KDM2A: variants seen among roughly 807,000 people sequenced by gnomAD.
KDM2A encodes lysine demethylase 2A.
Under a neutral mutation model 137.3 loss-of-function variants are expected in KDM2A, and 3 were observed. The observed-to-expected ratio is 0.02, with a 90% CI of 0.01 to 0.06. The LOEUF (loss-of-function observed/expected upper bound fraction) is 0.06, where lower values mean the gene tolerates loss of function less well. KDM2A is among the 10% of genes least tolerant of loss of function. KDM2A has a pLI of 1.00. For synonymous variants in KDM2A, 512 were observed against 541.5 expected (o/e 0.95, Z 0.76); for missense variants, 738 against 1,510.6 (o/e 0.49, Z 8.48).
chr11:67,123,971 C>T (rs1356390806), intron 2 of KDM2A, among the ~76,000 whole-genome samples: 1 of 151,656 alleles, frequency 6.6e-6, no homozygotes, highest in African/African-American at 2.4e-5. Flanking sequence ...GCCACTGGAC[C>T]TGGACTTTTG....
chr11:67,185,367 C>CA (rs1223625464), intron 5 of KDM2A, among the ~76,000 whole-genome samples: 2 of 152,244 alleles, frequency 1.3e-5, no homozygotes, highest in African/African-American at 4.8e-5. Flanking sequence ...TGTGGTGCCT[C>CA]ACACCTGTAA....
At chr11:67,182,887 T>A (rs1857122122) in intron 5 of KDM2A, among the ~76,000 whole-genome samples, 2 of 152,250 alleles carry the variant, frequency 1.3e-5, no homozygotes, top group African/African-American at 4.8e-5. Flanking sequence ...AGGGACTTTT[T>A]AAATTTTCTT....
At chr11:67,142,558 G>A (rs115813457) in intron 2 of KDM2A, among the ~76,000 whole-genome samples, 2,417 of 80,854 alleles carry the variant, frequency 0.03, 71 homozygotes, top group African/African-American at 0.071. Context: ...AGTTGGCCGG[G>A]GGGTTGGGGT....
At chr11:67,126,182 G>T (rs990857434) in intron 2 of KDM2A, among the ~76,000 whole-genome samples, 6 of 150,644 alleles carry the variant, frequency 4.0e-5, no homozygotes, top group Non-Finnish European at 7.4e-5. Flanking sequence ...CGAGACAGAG[G>T]TTGTGCTGAG....
At chr11:67,189,197 A>G (rs1262576859) in intron 5 of KDM2A, among the ~76,000 whole-genome samples, 1 of 152,260 alleles carries the variant, frequency 6.6e-6, no homozygotes, top group African/African-American at 2.4e-5. Flanking sequence ...TAAAAAATAG[A>G]TATCAAAGTA....
At position 67,250,858 on chromosome 11, in the gene KDM2A, A is replaced by G; in HGVS notation, c.2768+60A>G. 2.4e-6 allele frequency: 3 copies of G among 1,258,018 alleles called. No homozygotes were observed. Among genetic ancestry groups the G allele is most frequent in the Non-Finnish European group, 3.3e-6 (3 of 899,880 alleles). 77.9% of individuals were successfully genotyped at this position (1,258,018 alleles called of 1,614,324 possible). ...TATGGGAGTAGGTGGCAGGTTTTCC[A>G]TATGAGAACAGCATGCACCTTGGCA... On this transcript the variant is annotated intron_variant, in intron 17 of 20. Coordinates refer to ENST00000529006, the MANE Select transcript of KDM2A (RefSeq NM_012308.3). The surrounding 1 kb of genome is among the most constrained non-coding windows in gnomAD (Gnocchi z 7.1).
chr11:67,257,136 C>G lies in KDM2A; in HGVS notation c.*2081C>G, dbSNP rs971556355. The stretch of plus-strand genomic sequence containing the variant: ...TTTTATAAAAGGGGAGGTGGAGAGA[C>G]CCCTTCAGAGCAGGGATTGTGCCGG... On this transcript the variant is annotated 3_prime_UTR_variant, in exon 21 of 21. Coordinates refer to ENST00000529006, the MANE Select transcript of KDM2A (RefSeq NM_012308.3). The G allele has an allele frequency of 6.6e-6, 1 of 152,186 alleles. No individual in the cohort carries two copies. Among genetic ancestry groups the G allele is most frequent in the African/African-American group, 2.4e-5 (1 of 41,436 alleles). 9.4% of individuals were successfully genotyped at this position (152,186 alleles called of 1,614,324 possible).
At chr11:67,203,120 G>A (rs994271365) in intron 5 of KDM2A, among the ~76,000 whole-genome samples, 1 of 152,048 alleles carries the variant, frequency 6.6e-6, no homozygotes, top group Non-Finnish European at 1.5e-5. Flanking sequence ...CCTCAACAAT[G>A]AGGCAAGTTC....
At chr11:67,194,287 G>T (rs1436617834) in intron 5 of KDM2A, among the ~76,000 whole-genome samples, 1 of 152,112 alleles carries the variant, frequency 6.6e-6, no homozygotes, top group Non-Finnish European at 1.5e-5. Flanking sequence ...GGGGAGGGTG[G>T]TTGCTTTACC....
chr11:67,125,942 CAAAAAAA>C (rs59801773), intron 2 of KDM2A, among the ~76,000 whole-genome samples: 1 of 50,436 alleles, frequency 2.0e-5, no homozygotes, highest in Non-Finnish European at 4.5e-5. Flanking sequence ...GGCTTCACCT[CAAAAAAA>C]AAAAAAAAAA....
At chr11:67,128,408 A>G (rs978475720) in intron 2 of KDM2A, among the ~76,000 whole-genome samples, 15 of 151,988 alleles carry the variant, frequency 9.9e-5, no homozygotes, top group Admixed American at 7.9e-4. Flanking sequence ...GTATGAAAGT[A>G]TAATGTTAGC....
chr11:67,177,924 T>G (rs1270007999), intron 2 of KDM2A, among the ~76,000 whole-genome samples: 2 of 152,196 alleles, frequency 1.3e-5, no homozygotes, highest in Admixed American at 1.3e-4. Context: ...CACTAAGAGA[T>G]AAGCATTTTT....
At chr11:67,251,256 A>G (rs953072520) in intron 17 of KDM2A, among the ~76,000 whole-genome samples, 6 of 152,318 alleles carry the variant, frequency 3.9e-5, no homozygotes, top group African/African-American at 1.2e-4. Flanking sequence ...AGAAGTGGGC[A>G]TGCTTTTCAA....
intron 10 of KDM2A, among the ~76,000 whole-genome samples, chr11:67,225,842 A>G (rs1489953295): frequency 1.3e-5 from 2 of 152,050 alleles, no homozygotes; most frequent in East Asian, 1.9e-4. Context: ...AGGCAGGTGG[A>G]TCACCTGAGG....
intron 12 of KDM2A, chr11:67,240,305 A>G (rs1459507062): frequency 6.5e-7 from 1 of 1,535,660 alleles, no homozygotes; most frequent in East Asian, 2.4e-5. Context: ...ACAGAAAACA[A>G]AACAAAGACG....
chr11:67,181,204 T>C, intron 3 of KDM2A, 116 bp from the exon 4 acceptor site: 1 of 560,182 alleles, frequency 1.8e-6, no homozygotes, highest in Non-Finnish European at 3.1e-6. Flanking sequence ...ACAGCATAAC[T>C]ATATACACAG....
chr11:67,139,014 A>G (rs1214533370), intron 2 of KDM2A, among the ~76,000 whole-genome samples: 1 of 152,148 alleles, frequency 6.6e-6, no homozygotes, highest in Admixed American at 6.6e-5. Flanking sequence ...TTTCTAAACC[A>G]CTAATGGTAT....
intron 5 of KDM2A, among the ~76,000 whole-genome samples, chr11:67,199,060 A>T (rs1198116428): frequency 6.6e-6 from 1 of 152,158 alleles, no homozygotes; most frequent in African/African-American, 2.4e-5. Context: ...GATTACAGGC[A>T]TGAGCCACTG....
chr11:67,170,467 C>G (rs1426076644), intron 2 of KDM2A, among the ~76,000 whole-genome samples: 6 of 131,484 alleles, frequency 4.6e-5, no homozygotes, highest in Admixed American at 1.8e-4. Flanking sequence ...GGCTGGAGTG[C>G]AGTGGCGCGA....
Sources: gnomAD v4.1 joint callset for allele counts (sites outside exome capture counted in the v4.1 genomes callset) on GRCh38, gnomAD v4.1.1 for gene constraint, Gnocchi (gnomAD v3.1) non-coding constraint, MANE v1.5 for transcripts, NCBI Gene and HGNC (gene_info 2026-07-23, HGNC 2026-07-21) for gene names.